DPP9: variants seen among roughly 807,000 people sequenced by gnomAD.
DPP9 encodes dipeptidyl peptidase 9, also known as dipeptidyl peptidase IV-related protein-2.
Under a neutral mutation model 110.7 loss-of-function variants are expected in DPP9, and 50 were observed. That is an observed-to-expected ratio of 0.45 (90% CI 0.36 to 0.57). DPP9 has a LOEUF of 0.57. DPP9 is among the 20% of genes least tolerant of loss of function. The pLI, the probability that DPP9 is intolerant of heterozygous loss-of-function variation, is 0.00. For missense variants in DPP9, 1,022 were observed against 1,217.9 expected (o/e 0.84, Z 2.39); for synonymous variants, 561 against 514.4 (o/e 1.09, Z -1.23).
In DPP9 at chr19:4,704,326, G is replaced by C. The variant is rs774429169; in HGVS notation, c.427-22C>G. 6.3e-7 allele frequency: 1 copy of C among 1,594,820 alleles called. No homozygotes were observed. Among genetic ancestry groups the C allele is most frequent in the South Asian group, 1.1e-5 (1 of 90,848 alleles). The stretch of plus-strand genomic sequence containing the variant: ...TGGCCTGGAAACATACAGGGGACAG[G>C]GGGCAGCGTCAGTGGGCAAAGAGGA... On this transcript the variant is annotated intron_variant, in intron 5 of 21. Coordinates refer to ENST00000262960, the MANE Select transcript of DPP9 (RefSeq NM_139159.5). The surrounding 1 kb of genome is among the most constrained non-coding windows in gnomAD (Gnocchi z 6.0).
intron 4 of DPP9, among the ~76,000 whole-genome samples, chr19:4,706,270 G>A (rs1568325530): frequency 6.7e-6 from 1 of 149,230 alleles, no homozygotes; most frequent in African/African-American, 2.5e-5. Context: ...GCCGAGGCGA[G>A]AGGACTGCCT....
In DPP9 at chr19:4,705,952, C is replaced by T. The variant is rs1427227928; in HGVS notation, c.332G>A (p.Arg111Gln). The change falls in exon 5 of 22, where the codon CGA becomes CAA. Residue 111 changes from arginine (R) to glutamine (Q), a missense_variant. Physicochemically the swap from Arg to Gln is conservative, Grantham distance 43. Coordinates refer to ENST00000262960, the MANE Select transcript of DPP9 (RefSeq NM_139159.5). ...CTCAGAGTAGAGGAGGGAGTTCTCT[C>T]GGCTGCCATATGGCATTCCTAAAGG... The part of the protein sequence containing the change: ...LYYLGMPYGS[R>Q]ENSLLYSEIP... 8.1e-6 allele frequency: 13 copies of T among 1,613,608 alleles called. No individual in the cohort carries two copies. The highest frequency in any genetic ancestry group is 1.6e-4 in the Middle Eastern group (1 of 6,082).
In DPP9 at chr19:4,685,565, G is replaced by C. The variant is rs1402305283; in HGVS notation, c.2031+61C>G. On this transcript the variant is annotated intron_variant, in intron 17 of 21. Coordinates refer to ENST00000262960, the MANE Select transcript of DPP9 (RefSeq NM_139159.5). This position sits in a 1 kb window ranked among gnomAD's most constrained non-coding sequence, Gnocchi z 5.8. The stretch of plus-strand genomic sequence containing the variant: ...CTGTTCTACAGCTGGCACTTGAGTG[G>C]GGATGGGGAGTCCTCGGGTGGATGG... 1 of 1,517,058 alleles carries C rather than the reference G, an allele frequency of 6.6e-7. No homozygotes were observed. Among genetic ancestry groups the C allele is most frequent in the African/African-American group, 1.4e-5 (1 of 73,178 alleles). The allele number at this position is 1,517,058 out of a possible 1,614,324, so 94.0% of individuals were successfully genotyped here.
In DPP9 at chr19:4,695,022, A is replaced by C; in HGVS notation, c.1354-199T>G. On this transcript the variant is annotated intron_variant, in intron 12 of 21. Coordinates refer to ENST00000262960, the MANE Select transcript of DPP9 (RefSeq NM_139159.5). The surrounding 1 kb of genome is among the most constrained non-coding windows in gnomAD (Gnocchi z 4.7). ...ATAAATTAGCCAGGCATGGTGGTGC[A>C]GGCTTGTGGTCCTAGCTACTCTGGA... 1.6e-6 allele frequency: 1 copy of C among 624,062 alleles called. No individual in the cohort carries two copies. The highest frequency in any genetic ancestry group is 2.8e-6 in the Non-Finnish European group (1 of 360,326). The allele number at this position is 624,062 out of a possible 1,614,324, so 38.7% of individuals were successfully genotyped here.
intron 4 of DPP9, 125 bp downstream of exon 4, chr19:4,713,956 A>G (rs1443078344): frequency 7.3e-7 from 1 of 1,373,372 alleles, no homozygotes; most frequent in Non-Finnish European, 9.6e-7. Context: ...GAAGGACAGC[A>G]TGCCCAGGGC....
Position 4,703,921 on chromosome 19 carries a change from G to C in DPP9, c.734C>G (p.Thr245Arg). The C allele has an allele frequency of 6.2e-7, 1 of 1,612,412 alleles. No individual in the cohort carries two copies. Among genetic ancestry groups the C allele is most frequent in the Non-Finnish European group, 8.5e-7 (1 of 1,179,274 alleles). The change falls in exon 7 of 22, where the codon ACA (threonine) becomes AGA (arginine). Residue 245 changes from threonine (T) to arginine (R), a missense_variant. By Grantham distance (71) the Thr-to-Arg change is moderately conservative. Around this residue, in one of 3 missense-constraint regions of DPP9, gnomAD observed 810 missense variants for 920.6 expected, o/e 0.88. Coordinates refer to ENST00000262960, the MANE Select transcript of DPP9 (RefSeq NM_139159.5). ...GAAGGTCAGCCGCCGCTCCTCGCCT[G>C]TCTCGATGTTGGCCACCCACAGGTC... is the stretch of plus-strand genomic sequence containing the variant. ...NSDLWVANIE[T>R]GEERRLTFCH...
intron 3 of DPP9, among the ~76,000 whole-genome samples, chr19:4,719,051 C>A (rs2145988049): frequency 6.6e-6 from 1 of 152,100 alleles, no homozygotes; most frequent in African/African-American, 2.4e-5. Context: ...TTTTCAGGAC[C>A]AAAATAATGG....
At chr19:4,701,802 T>G (rs1046853871) in intron 9 of DPP9, among the ~76,000 whole-genome samples, 1 of 152,214 alleles carries the variant, frequency 6.6e-6, no homozygotes, top group Non-Finnish European at 1.5e-5. Context: ...CCCTCATCCC[T>G]TCCAGAGACA....
chr19:4,694,671 G>A lies in DPP9; in HGVS notation c.1506C>T (p.Ser502=). 1.9e-6 allele frequency: 3 copies of A among 1,611,364 alleles called. No individual in the cohort carries two copies. Among genetic ancestry groups the A allele is most frequent in the South Asian group, 1.1e-5 (1 of 90,490 alleles). ...TCAGGCTCTGCTCACCTTCCCCGGG[G>A]CTGAAGGGCTCACTCCAATCGTAGC... ...SQGYDWSEPF[S]PGEDEFKCPI... is the part of the protein sequence containing the mutation. Residue 502 remains serine (S), a synonymous_variant, in exon 13 of 22, where the codon AGC becomes AGT. Coordinates refer to ENST00000262960, the MANE Select transcript of DPP9 (RefSeq NM_139159.5). This position sits in a 1 kb window ranked among gnomAD's most constrained non-coding sequence, Gnocchi z 4.0.
At chr19:4,720,641 A>G (rs1219473713) in intron 2 of DPP9, among the ~76,000 whole-genome samples, 1 of 151,916 alleles carries the variant, frequency 6.6e-6, no homozygotes, top group Non-Finnish European at 1.5e-5. Context: ...GGGACACTGG[A>G]CAATGTCTGG....
At position 4,684,985 on chromosome 19, in the gene DPP9, C is replaced by G. The variant is rs925109800; in HGVS notation, c.2032-176G>C. Reference sequence around the variant, plus strand: ...TGGGAGTGGCAAGGCGGGAGGGGCCCATACTCGGGACCCTGCTAGGGAGGG... The same window carrying G: ...TGGGAGTGGCAAGGCGGGAGGGGCCGATACTCGGGACCCTGCTAGGGAGGG... On this transcript the variant is annotated intron_variant, in intron 17 of 21. Transcript: ENST00000262960. This position sits in a 1 kb window ranked among gnomAD's most constrained non-coding sequence, Gnocchi z 4.8. 4 of 794,138 alleles carry G rather than the reference C, an allele frequency of 5.0e-6. No homozygotes were observed. Among genetic ancestry groups the G allele is most frequent in the Non-Finnish European group, 6.4e-6 (3 of 470,534 alleles). 49.2% of individuals were successfully genotyped at this position (794,138 alleles called of 1,614,324 possible).
Position 4,685,521 on chromosome 19 carries a change from G to C in DPP9, c.2031+105C>G, listed in dbSNP as rs2090568952. 3.9e-6 allele frequency: 5 copies of C among 1,291,372 alleles called. No homozygotes were observed. The highest frequency in any genetic ancestry group is 5.4e-6 in the Non-Finnish European group (5 of 931,908). 80.0% of individuals were successfully genotyped at this position (1,291,372 alleles called of 1,614,324 possible). On this transcript the variant is annotated intron_variant, in intron 17 of 21. Transcript: ENST00000262960. The surrounding 1 kb of genome is among the most constrained non-coding windows in gnomAD (Gnocchi z 5.8). The stretch of plus-strand genomic sequence containing the variant: ...GGCTGGGGCACCAGGCAGGTAGCCG[G>C]GGAGCCTCCTCTGGTTGACTGTTCT...
intron 2 of DPP9, among the ~76,000 whole-genome samples, chr19:4,721,923 T>C (rs1380928742): frequency 6.6e-6 from 1 of 152,044 alleles, no homozygotes; most frequent in Non-Finnish European, 1.5e-5. Flanking sequence ...GAGAGAAAGG[T>C]TCAAATCCTG....
chr19:4,707,786 C>T (rs920761936), intron 4 of DPP9, among the ~76,000 whole-genome samples: 6 of 151,828 alleles, frequency 4.0e-5, no homozygotes, highest in Admixed American at 1.3e-4. Flanking sequence ...CCACCACACC[C>T]GGCTAATTTT....
At chr19:4,715,426 C>T (rs1287231790) in intron 3 of DPP9, 1 of 152,300 alleles carries the variant, frequency 6.6e-6, no homozygotes, top group Non-Finnish European at 1.5e-5. Flanking sequence ...TCATCTTTCA[C>T]ACGCCACCTG....
chr19:4,716,359 C>T (rs1207830130), intron 3 of DPP9, among the ~76,000 whole-genome samples: 4 of 152,126 alleles, frequency 2.6e-5, no homozygotes, highest in African/African-American at 9.7e-5. Flanking sequence ...AGGACTTGGC[C>T]GGGCACAGTG....
In DPP9 at chr19:4,720,689, G is replaced by C. The variant is rs57070757; in HGVS notation, c.-35-748C>G. Among the ~76,000 whole-genome samples, 206 of 152,280 alleles carry C rather than the reference G, an allele frequency of 1.4e-3. 1 individual carries two copies. Among genetic ancestry groups the C allele is most frequent in the African/African-American group, 4.8e-3 (200 of 41,550 alleles). On this transcript the variant is annotated intron_variant, in intron 2 of 21. Coordinates refer to ENST00000262960, the MANE Select transcript of DPP9 (RefSeq NM_139159.5). Reference sequence around the variant, plus strand: ...CTGTCACAACTCGGGGGTGACCCTGGCATGGAGTGGGTGGAGCCCAGAGAT... The same window carrying C: ...CTGTCACAACTCGGGGGTGACCCTGCCATGGAGTGGGTGGAGCCCAGAGAT...
In DPP9 at chr19:4,685,714, A is replaced by T; in HGVS notation, c.1943T>A (p.Val648Glu). 1 of 1,613,506 alleles carries T rather than the reference A, an allele frequency of 6.2e-7. No individual in the cohort carries two copies. The change falls in exon 17 of 22, where the codon GTG (valine) becomes GAG (glutamate). Residue 648 changes from valine to glutamate, a missense_variant. Coordinates refer to ENST00000262960, the MANE Select transcript of DPP9 (RefSeq NM_139159.5). This position sits in a 1 kb window ranked among gnomAD's most constrained non-coding sequence, Gnocchi z 5.8. ...CTTGTAGATCATGCCGTAGAGCCGC[A>T]CATCCGAGCGCGTGTGGAAATGGAA... Reference protein sequence around the residue: ...EIFHFHTRSDVRLYGMIYKPH... With the variant: ...EIFHFHTRSDERLYGMIYKPH...
In DPP9 at chr19:4,706,865, G is replaced by A. The variant is rs551908867; in HGVS notation, c.314-895C>T. On this transcript the variant is annotated intron_variant, in intron 4 of 21. Coordinates refer to ENST00000262960, the MANE Select transcript of DPP9 (RefSeq NM_139159.5). ...ACCTGGTCCAGTATTTCCCAACCTC[G>A]CCCCTAATTACATTCGGGCCTGGAC... Among the ~76,000 whole-genome samples the A allele has an allele frequency of 1.3e-4, 20 of 152,196 alleles. No homozygotes were observed. In the South Asian group the frequency reaches 2.9e-3, roughly 22 times the overall value.
Sources: gnomAD v4.1 joint callset for allele counts (sites outside exome capture counted in the v4.1 genomes callset) on GRCh38, gnomAD v4.1.1 for gene constraint, gnomAD v4.1.1 regional missense constraint, Gnocchi (gnomAD v3.1) non-coding constraint, MANE v1.5 for transcripts, NCBI Gene and HGNC (gene_info 2026-07-23, HGNC 2026-07-21) for gene names.